DERPC: variants seen among roughly 807,000 people sequenced by gnomAD.
DERPC encodes the protein DERPC proline and glycine rich nuclear protein.
A neutral mutation model predicts 7.2 loss-of-function variants in DERPC; 1 was observed. The ratio of observed to expected loss-of-function variants is 0.14; its 90% CI spans 0.05 to 0.66. The LOEUF is 0.66. Among genes scored for constraint, DERPC ranks in the 30% least tolerant of loss-of-function variants. The pLI, the probability that DERPC is intolerant of heterozygous loss-of-function variation, is 0.84. For missense variants in DERPC, 502 were observed against 299.4 expected, an observed-to-expected ratio of 1.68 and a Z score of -4.99; for synonymous variants, 185 against 117.6, an observed-to-expected ratio of 1.57 and a Z score of -3.71.
chr16:69,131,800 C>T (rs1962544390), intron 1 of DERPC, among the ~76,000 whole-genome samples: 1 of 151,768 alleles, frequency 6.6e-6, no homozygotes, highest in Admixed American at 6.6e-5. Flanking sequence ...TCCCGGTTCT[C>T]AAGTACTCCA....
chr16:69,120,017 C>G lies in DERPC; in HGVS notation c.412G>C (p.Gly138Arg). Residue 138 changes from glycine (G) to arginine (R), a missense_variant, in exon 3 of 3, where the codon GGC becomes CGC. Coordinates refer to ENST00000519520, the MANE Select transcript of DERPC (RefSeq NM_001002847.4). The surrounding 1 kb of genome is among the most constrained non-coding windows in gnomAD (Gnocchi z 4.0). ...TLNPRTGALP[G>R]PGPLSNPRLG... ...CTGGGGTTAGACAGAGGCCCTGGGC[C>G]TGGCAGAGCCCCTGTCCTAGGGTTT... 1 of 690,898 alleles carries G rather than the reference C, an allele frequency of 1.4e-6. No homozygotes were observed. Among genetic ancestry groups the G allele is most frequent in the Non-Finnish European group, 2.6e-6 (1 of 378,272 alleles). The allele number at this position is 690,898 out of a possible 1,614,324, so 42.8% of individuals were successfully genotyped here.
chr16:69,123,384 G>A (rs778246215), intron 1 of DERPC, among the ~76,000 whole-genome samples: 12 of 152,282 alleles, frequency 7.9e-5, no homozygotes, highest in Admixed American at 3.3e-4. Context: ...GGGGCCAGGC[G>A]CGGTGTCTCA....
At position 69,129,845 on chromosome 16, in the gene DERPC, C is replaced by G. The variant is rs188114983; in HGVS notation, c.-280+2639G>C. ...ATGGAAAGACCTTGTAACTTGCCACCAAAGTATTATATCTGTGGGGTAGGC... is the reference window on the plus strand; with the variant it reads ...ATGGAAAGACCTTGTAACTTGCCACGAAAGTATTATATCTGTGGGGTAGGC... On this transcript the variant is annotated intron_variant, in intron 1 of 2. Transcript: ENST00000519520. Among the ~76,000 whole-genome samples the G allele has an allele frequency of 1.3e-3, 192 of 152,288 alleles. 2 individuals carry two copies. The highest frequency in any genetic ancestry group is 6.8e-3 in the Middle Eastern group (2 of 294).
At chr16:69,121,218 T>A in intron 2 of DERPC, 1 of 1,528,338 alleles carries the variant, frequency 6.5e-7, no homozygotes, top group Non-Finnish European at 9.0e-7. Flanking sequence ...GGGTGAAGGA[T>A]GAATAGTGTC....
chr16:69,127,333 A>C (rs2152271128), intron 1 of DERPC, among the ~76,000 whole-genome samples: 1 of 152,234 alleles, frequency 6.6e-6, no homozygotes, highest in African/African-American at 2.4e-5. Flanking sequence ...GGTGGGGAAG[A>C]AGTACAATAC....
intron 1 of DERPC, among the ~76,000 whole-genome samples, chr16:69,128,820 C>T (rs778628033): frequency 2.0e-5 from 3 of 152,288 alleles, no homozygotes; most frequent in Non-Finnish European, 4.4e-5. Context: ...AATCCCAGCA[C>T]TTTGGGAGCC....
In DERPC at chr16:69,118,133, A is replaced by AATTC; in HGVS notation, c.*720_*721insGAAT. 1 of 148,006 alleles carries AATTC rather than the reference A, an allele frequency of 6.8e-6. No homozygotes were observed. The highest frequency in any genetic ancestry group is 1.3e-5 in the Non-Finnish European group (1 of 75,086). The allele number at this position is 148,006 out of a possible 1,614,324, so 9.2% of individuals were successfully genotyped here. ...TTTCTTCCCTTCATCCCCCACCCCC[A>AATTC]CCCTAATTCCCATATTCCCATCCAC... On this transcript the variant is annotated 3_prime_UTR_variant, in exon 3 of 3. Coordinates refer to ENST00000519520, the MANE Select transcript of DERPC (RefSeq NM_001002847.4).
At chr16:69,122,514 A>T (rs1961751264) in intron 1 of DERPC, among the ~76,000 whole-genome samples, 1 of 151,260 alleles carries the variant, frequency 6.6e-6, no homozygotes, top group African/African-American at 2.4e-5. Flanking sequence ...CTGGGATTAC[A>T]GGTGCATGTC....
intron 1 of DERPC, among the ~76,000 whole-genome samples, chr16:69,129,215 G>A (rs1962310352): frequency 6.6e-6 from 1 of 151,970 alleles, no homozygotes. Flanking sequence ...CAGATCACGA[G>A]GTCAGGAGAT....
Position 69,121,461 on chromosome 16 carries a change from GCTTT to G in DERPC, c.-251_-248del, listed in dbSNP as rs750070477. Reference sequence around the variant, plus strand: ...CTGGAAATAACAATTTGCACCATGAGCTTTCTGTCTTTAAAAAGCAAGTGAAAAC... The same window carrying G: ...CTGGAAATAACAATTTGCACCATGAGCTGTCTTTAAAAAGCAAGTGAAAAC... On this transcript the variant is annotated 5_prime_UTR_variant, in exon 2 of 3. Coordinates refer to ENST00000519520, the MANE Select transcript of DERPC (RefSeq NM_001002847.4). 4 of 1,600,274 alleles carry G rather than the reference GCTTT, an allele frequency of 2.5e-6. No individual in the cohort carries two copies. The highest frequency in any genetic ancestry group is 2.2e-5 in the East Asian group (1 of 44,846).
intron 1 of DERPC, among the ~76,000 whole-genome samples, chr16:69,130,421 CTAT>C (rs1306992815): frequency 1.3e-5 from 2 of 151,954 alleles, no homozygotes; most frequent in African/African-American, 4.8e-5. Context: ...TCACAATTTT[CTAT>C]TTTTTGCTAG....
intron 1 of DERPC, among the ~76,000 whole-genome samples, chr16:69,123,598 C>T (rs1961838308): frequency 6.6e-6 from 1 of 152,034 alleles, no homozygotes; most frequent in Non-Finnish European, 1.5e-5. Flanking sequence ...GCAAAGGTTA[C>T]GGTGAGCCAA....
intron 1 of DERPC, among the ~76,000 whole-genome samples, chr16:69,126,437 C>T (rs1287972658): frequency 6.6e-6 from 1 of 152,202 alleles, no homozygotes; most frequent in East Asian, 1.9e-4. Flanking sequence ...ACAATGCACA[C>T]CTTTACACAC....
Position 69,120,064 on chromosome 16 carries a change from C to G in DERPC, c.365G>C (p.Gly122Ala). 1 of 691,012 alleles carries G rather than the reference C, an allele frequency of 1.4e-6. No individual in the cohort carries two copies. Among genetic ancestry groups the G allele is most frequent in the Non-Finnish European group, 2.6e-6 (1 of 380,718 alleles). 42.8% of individuals were successfully genotyped at this position (691,012 alleles called of 1,614,324 possible). ...GTTTAGGGTGGGGCCTGGGCCTGGGCCTGGCCCCAAGAGGCCACCAGGCCT... is the reference window on the plus strand; with the variant it reads ...GTTTAGGGTGGGGCCTGGGCCTGGGGCTGGCCCCAAGAGGCCACCAGGCCT... ...FPRPGGLLGP[G>A]PGPGPTLNPR... is the part of the protein sequence containing the mutation. Residue 122 changes from glycine (G) to alanine (A), a missense_variant, in exon 3 of 3, where the codon GGC (glycine) becomes GCC (alanine). Coordinates refer to ENST00000519520, the MANE Select transcript of DERPC (RefSeq NM_001002847.4). This position sits in a 1 kb window ranked among gnomAD's most constrained non-coding sequence, Gnocchi z 4.0.
chr16:69,122,681 C>T (rs1181327183), intron 1 of DERPC, among the ~76,000 whole-genome samples: 1 of 151,974 alleles, frequency 6.6e-6, no homozygotes, highest in Non-Finnish European at 1.5e-5. Flanking sequence ...GCTGGGATTA[C>T]AGGCACACAA....
chr16:69,120,794 C>A lies in DERPC; in HGVS notation c.-221-145G>T. 1 of 752,228 alleles carries A rather than the reference C, an allele frequency of 1.3e-6. No individual in the cohort carries two copies. Among genetic ancestry groups the A allele is most frequent in the Non-Finnish European group, 2.3e-6 (1 of 442,744 alleles). 46.6% of individuals were successfully genotyped at this position (752,228 alleles called of 1,614,324 possible). A position where few individuals can be genotyped will look rare whatever the true frequency, so the allele number is the denominator to read the frequency against. The stretch of plus-strand genomic sequence containing the variant: ...CCATTGTTGAGCAGCCACACTGGAC[C>A]ACCCACCCATGTGCCCTTTTTACTT... On this transcript the variant is annotated intron_variant, in intron 2 of 2. Coordinates refer to ENST00000519520, the MANE Select transcript of DERPC (RefSeq NM_001002847.4). The surrounding 1 kb of genome is among the most constrained non-coding windows in gnomAD (Gnocchi z 4.0).
At position 69,121,624 on chromosome 16, in the gene DERPC, C is replaced by T. The variant is rs951892501; in HGVS notation, c.-279-131G>A. Reference sequence around the variant, plus strand: ...TCCCGAGTAGCTGGGAATACAGGCACCCACCACTATGGCCAGCTAACTTTT... The same window carrying T: ...TCCCGAGTAGCTGGGAATACAGGCATCCACCACTATGGCCAGCTAACTTTT... On this transcript the variant is annotated intron_variant, in intron 1 of 2. Coordinates refer to ENST00000519520, the MANE Select transcript of DERPC (RefSeq NM_001002847.4). The T allele has an allele frequency of 1.9e-5, 11 of 568,708 alleles. No homozygotes were observed. In the African/African-American group the frequency reaches 2.1e-4, roughly 11 times the overall value. The allele number at this position is 568,708 out of a possible 1,614,324, so 35.2% of individuals were successfully genotyped here. A position where few individuals can be genotyped will look rare whatever the true frequency, so the allele number is the denominator to read the frequency against.
Position 69,123,924 on chromosome 16 carries a change from C to CT in DERPC, c.-279-2432dup, listed in dbSNP as rs1443806560. ...CCAACATGATGAAACCCCATCTCTA[C>CT]TAAAAAAAAAAAAAAAAAAAAAACA... is the stretch of plus-strand genomic sequence containing the variant. On this transcript the variant is annotated intron_variant, in intron 1 of 2. Transcript: ENST00000519520. 1.5e-3 allele frequency among the ~76,000 whole-genome samples: 118 copies of CT among 77,566 alleles called. 2 individuals carry two copies. The highest frequency in any genetic ancestry group is 0.016 in the Middle Eastern group (2 of 122). 50.9% of individuals were successfully genotyped at this position (77,566 alleles called of 152,430 possible).
In DERPC at chr16:69,118,501, C is replaced by T. The variant is rs755964740; in HGVS notation, c.*353G>A. 4 of 1,202,038 alleles carry T rather than the reference C, an allele frequency of 3.3e-6. No homozygotes were observed. The highest frequency in any genetic ancestry group is 3.7e-6 in the Non-Finnish European group (3 of 803,152). 74.5% of individuals were successfully genotyped at this position (1,202,038 alleles called of 1,614,324 possible). ...TGGTGAGCAGGGGACTACATGTGAA[C>T]TGGGACCTGCAGGCCAATGTATCCC... On this transcript the variant is annotated 3_prime_UTR_variant, in exon 3 of 3. Transcript: ENST00000519520.
Sources: allele counts gnomAD v4.1 joint callset (sites outside exome capture counted in the v4.1 genomes callset), GRCh38; gene constraint gnomAD v4.1.1; non-coding constraint Gnocchi (gnomAD v3.1); transcripts MANE v1.5; gene names NCBI Gene and HGNC (gene_info 2026-07-23, HGNC 2026-07-21).